Variants in GRIN2A observed in about 807,000 individuals in gnomAD.
GRIN2A encodes glutamate receptor ionotropic, NMDA 2A.
GRIN2A carries 22 observed loss-of-function variants against 113.4 expected under a neutral mutation model. That is an observed-to-expected ratio of 0.19 (90% CI 0.14 to 0.28). GRIN2A has a LOEUF of 0.28. GRIN2A is among the 10% of genes least tolerant of loss of function. The pLI is 1.00. For synonymous variants in GRIN2A, 827 were observed against 738.4 expected, an observed-to-expected ratio of 1.12 and a Z score of -1.94; for missense variants, 1,502 against 1,887.0, an observed-to-expected ratio of 0.80 and a Z score of 3.78.
intron 2 of GRIN2A, among the ~76,000 whole-genome samples, chr16:10,151,358 C>T (rs1392921337): frequency 1.3e-5 from 2 of 152,182 alleles, no homozygotes; most frequent in African/African-American, 4.8e-5. Context: ...CTGTTTCTGA[C>T]ATTGCCAGTT....
chr16:9,796,178 G>T (rs928885808), intron 11 of GRIN2A, among the ~76,000 whole-genome samples: 6 of 152,178 alleles, frequency 3.9e-5, no homozygotes, highest in Non-Finnish European at 7.3e-5. Context: ...GGTGGGTGGG[G>T]CTAGAGTTAG....
At chr16:10,059,271 C>T (rs576100214) in intron 2 of GRIN2A, among the ~76,000 whole-genome samples, 2 of 151,988 alleles carry the variant, frequency 1.3e-5, no homozygotes, top group African/African-American at 4.8e-5. Flanking sequence ...AATAACAGAT[C>T]TACATTATAT....
intron 2 of GRIN2A, among the ~76,000 whole-genome samples, chr16:9,993,342 G>T (rs566450548): frequency 1.3e-5 from 2 of 152,236 alleles, no homozygotes; most frequent in South Asian, 2.1e-4. Flanking sequence ...TTGAAGCCAG[G>T]AGTTCGAGAC....
intron 2 of GRIN2A, among the ~76,000 whole-genome samples, chr16:10,129,419 G>A (rs1486677377): frequency 6.6e-6 from 1 of 152,164 alleles, no homozygotes; most frequent in Non-Finnish European, 1.5e-5. Context: ...ATAGAGCTAA[G>A]CTATAGGAGA....
chr16:10,071,612 T>C (rs2047751753), intron 2 of GRIN2A, among the ~76,000 whole-genome samples: 1 of 152,120 alleles, frequency 6.6e-6, no homozygotes, highest in South Asian at 2.1e-4. Context: ...TGGGAAGGCA[T>C]TGTATAGAGG....
intron 5 of GRIN2A, among the ~76,000 whole-genome samples, chr16:9,843,158 T>C (rs2042713282): frequency 1.3e-5 from 2 of 151,794 alleles, no homozygotes; most frequent in African/African-American, 4.8e-5. Context: ...CAAGCTATTT[T>C]GGAACGGTGA....
At chr16:9,912,757 A>G (rs1257787337) in intron 3 of GRIN2A, among the ~76,000 whole-genome samples, 2 of 152,230 alleles carry the variant, frequency 1.3e-5, no homozygotes, top group Non-Finnish European at 2.9e-5. Flanking sequence ...ACTGAAGAAT[A>G]AACATTAGTT....
chr16:9,978,220 G>C (rs911878393), intron 2 of GRIN2A, among the ~76,000 whole-genome samples: 1 of 152,202 alleles, frequency 6.6e-6, no homozygotes, highest in Non-Finnish European at 1.5e-5. Context: ...ATTTGGTCTA[G>C]AAAGCAAGGG....
At chr16:9,772,357 C>T (rs558321265) in intron 11 of GRIN2A, among the ~76,000 whole-genome samples, 11 of 152,284 alleles carry the variant, frequency 7.2e-5, no homozygotes, top group Non-Finnish European at 1.5e-4. Context: ...GACGTCCCCC[C>T]TCCCTTTGGA....
chr16:10,179,366 C>G (rs1184666320), intron 2 of GRIN2A: 1 of 154,670 alleles, frequency 6.5e-6, no homozygotes, highest in African/African-American at 2.4e-5. Context: ...CCCACCCACT[C>G]CCCTTGAGGA....
intron 2 of GRIN2A, among the ~76,000 whole-genome samples, chr16:10,126,316 A>G (rs1281367315): frequency 2.0e-5 from 3 of 151,880 alleles, no homozygotes; most frequent in African/African-American, 7.3e-5. Context: ...GTGCACCACC[A>G]CACCTGGCTC....
chr16:10,149,954 G>T (rs749219709), intron 2 of GRIN2A, among the ~76,000 whole-genome samples: 1 of 152,134 alleles, frequency 6.6e-6, no homozygotes, highest in Non-Finnish European at 1.5e-5. Context: ...ACCAGAACAG[G>T]TGTGAAGAGG....
intron 3 of GRIN2A, among the ~76,000 whole-genome samples, chr16:9,904,967 A>C (rs1467577285): frequency 6.6e-6 from 1 of 152,242 alleles, no homozygotes. Flanking sequence ...CTTTGGCATG[A>C]AAATTTCAAT....
intron 2 of GRIN2A, among the ~76,000 whole-genome samples, chr16:10,019,864 C>A (rs1454953994): frequency 1.3e-5 from 2 of 152,196 alleles, no homozygotes; most frequent in Non-Finnish European, 2.9e-5. Context: ...AGGATGGTGA[C>A]TACAGTTAGT....
chr16:10,103,221 T>C (rs1273988074), intron 2 of GRIN2A, among the ~76,000 whole-genome samples: 1 of 152,170 alleles, frequency 6.6e-6, no homozygotes, highest in Admixed American at 6.5e-5. Flanking sequence ...GACATACATC[T>C]AGTCATGAGA....
At chr16:9,925,738 G>A (rs2044451327) in intron 3 of GRIN2A, among the ~76,000 whole-genome samples, 1 of 152,144 alleles carries the variant, frequency 6.6e-6, no homozygotes, top group Non-Finnish European at 1.5e-5. Flanking sequence ...GTTTCAGTCT[G>A]TAGGGGATAT....
chr16:9,973,036 T>C (rs1207113871), intron 2 of GRIN2A, among the ~76,000 whole-genome samples: 2 of 152,174 alleles, frequency 1.3e-5, no homozygotes, highest in East Asian at 1.9e-4. Flanking sequence ...AGTCCGTTCC[T>C]GGGTGGGGGC....
intron 2 of GRIN2A, among the ~76,000 whole-genome samples, chr16:9,984,721 G>A (rs1018370223): frequency 3.9e-5 from 6 of 152,062 alleles, no homozygotes; most frequent in African/African-American, 7.2e-5. Flanking sequence ...TTTCTCACAC[G>A]CAGTTTCTAA....
intron 4 of GRIN2A, among the ~76,000 whole-genome samples, chr16:9,851,057 C>G (rs1054074591): frequency 5.9e-5 from 9 of 152,114 alleles, no homozygotes; most frequent in East Asian, 5.8e-4. Context: ...TTGACCAGAC[C>G]CACTCACCTC....
Sources: allele counts gnomAD v4.1 joint callset (sites outside exome capture counted in the v4.1 genomes callset), GRCh38; gene constraint gnomAD v4.1.1; transcripts MANE v1.5; gene names NCBI Gene and HGNC (gene_info 2026-07-23, HGNC 2026-07-21).